Variants in RYR2 observed in about 807,000 individuals in gnomAD.
The protein encoded by RYR2 is ryanodine receptor 2.
RYR2 carries 227 observed loss-of-function variants against 601.1 expected under a neutral mutation model. The observed-to-expected ratio is 0.38, with a 90% CI of 0.34 to 0.42. The LOEUF (loss-of-function observed/expected upper bound fraction) is 0.42, where lower values mean the gene tolerates loss of function less well. RYR2 is among the 10% of genes least tolerant of loss of function. The pLI is 1.00. For missense variants in RYR2, 4,646 were observed against 6,156.5 expected, an observed-to-expected ratio of 0.75 and a Z score of 8.21; for synonymous variants, 2,223 against 2,175.1, an observed-to-expected ratio of 1.02 and a Z score of -0.61.
At chr1:237,719,688 C>T (rs1689553108) in intron 73 of RYR2, among the ~76,000 whole-genome samples, 1 of 152,084 alleles carries the variant, frequency 6.6e-6, no homozygotes, top group Non-Finnish European at 1.5e-5. Flanking sequence ...CTGAGGATTA[C>T]ATTTCCACAT....
chr1:237,104,195 C>A (rs1380514145), intron 1 of RYR2, among the ~76,000 whole-genome samples: 1 of 152,130 alleles, frequency 6.6e-6, no homozygotes, highest in African/African-American at 2.4e-5. Flanking sequence ...ATGGAACGTG[C>A]CTGTCTGTGG....
In RYR2 at chr1:237,707,188, A is replaced by G. The variant is rs751551400; in HGVS notation, c.9820A>G (p.Asn3274Asp). Residue 3274 changes from asparagine (N) to aspartate (D), a missense_variant, in exon 68 of 105, where the codon AAC becomes GAC. Around this residue, in one of 17 missense-constraint regions of RYR2, gnomAD observed 1,497 missense variants for 1,842.6 expected, o/e 0.81. Transcript: ENST00000366574. ...CACAGCCCTGAACTCAGAGCACATGAACACACTTCTAGGGAACATATTGAA... is the reference window on the plus strand; with the variant it reads ...CACAGCCCTGAACTCAGAGCACATGGACACACTTCTAGGGAACATATTGAA... ...CCTALNSEHM[N>D]TLLGNILKII... The G allele has an allele frequency of 6.7e-5, 108 of 1,612,986 alleles. No individual in the cohort carries two copies. Among genetic ancestry groups the G allele is most frequent in the Non-Finnish European group, 1.3e-5 (15 of 1,179,176 alleles).
chr1:237,658,127 T>C (rs1683429538), intron 54 of RYR2, 105 bp downstream of exon 54: 6 of 563,168 alleles, frequency 1.1e-5, no homozygotes, highest in South Asian at 7.5e-5. Context: ...GAGAACTTGA[T>C]CTAAATTAGG....
intron 1 of RYR2, among the ~76,000 whole-genome samples, chr1:237,104,655 C>A (rs1192517963): frequency 1.3e-5 from 2 of 152,208 alleles, no homozygotes; most frequent in African/African-American, 4.8e-5. Flanking sequence ...CCAGCTGTTA[C>A]TGGGTCCTGG....
chr1:237,246,819 TGATGATTTATTTTTG>T (rs1686899595), intron 1 of RYR2, among the ~76,000 whole-genome samples: 1 of 152,344 alleles, frequency 6.6e-6, no homozygotes, highest in African/African-American at 2.4e-5. Context: ...GATTTGTTTC[TGATGATTTATTTTTG>T]GATGATTTGA....
At chr1:237,771,417 A>T (rs1296936473) in intron 85 of RYR2, among the ~76,000 whole-genome samples, 1 of 125,528 alleles carries the variant, frequency 8.0e-6, no homozygotes, top group African/African-American at 5.1e-5. Context: ...TCTCTCAATA[A>T]AAAAAAAAAA....
chr1:237,801,902 G>C lies in RYR2; in HGVS notation c.14137G>C (p.Val4713Leu). 6.2e-7 allele frequency: 1 copy of C among 1,600,054 alleles called. No individual in the cohort carries two copies. Among genetic ancestry groups the C allele is most frequent in the Non-Finnish European group, 8.6e-7 (1 of 1,169,414 alleles). ...VKYQMWKLGV[V>L]FTDNSFLYLA... ...GTATCAGATGTGGAAACTAGGAGTCGTTTTCACTGACAACGTAAGCCTACT... is the reference window on the plus strand; with the variant it reads ...GTATCAGATGTGGAAACTAGGAGTCCTTTTCACTGACAACGTAAGCCTACT... Residue 4713 changes from valine to leucine, a missense_variant, in exon 98 of 105, where the codon GTT becomes CTT. Transcript: ENST00000366574.
intron 81 of RYR2, among the ~76,000 whole-genome samples, chr1:237,756,817 A>G (rs1241805317): frequency 1.3e-5 from 2 of 152,192 alleles, no homozygotes; most frequent in East Asian, 1.9e-4. Context: ...CTGTGTTCCA[A>G]AAAAACTTTA....
At chr1:237,176,644 T>C (rs142935723) in intron 1 of RYR2, among the ~76,000 whole-genome samples, 12 of 152,300 alleles carry the variant, frequency 7.9e-5, no homozygotes, top group African/African-American at 2.6e-4. Flanking sequence ...CTGATTTCTA[T>C]TGACTTTTCT....
intron 1 of RYR2, among the ~76,000 whole-genome samples, chr1:237,182,846 G>A (rs747818500): frequency 5.3e-5 from 8 of 152,166 alleles, no homozygotes; most frequent in South Asian, 2.1e-4. Context: ...GGCATTACAG[G>A]CCAGCATAAG....
chr1:237,405,084 T>G (rs1703728285), intron 10 of RYR2, among the ~76,000 whole-genome samples: 1 of 152,082 alleles, frequency 6.6e-6, no homozygotes, highest in Admixed American at 6.5e-5. Flanking sequence ...TACGGAATGG[T>G]AGAATAAGAA....
chr1:237,363,594 C>T (rs920394408), intron 4 of RYR2, among the ~76,000 whole-genome samples: 2 of 152,022 alleles, frequency 1.3e-5, no homozygotes, highest in African/African-American at 2.4e-5. Context: ...GGAAATATAT[C>T]ATTGTTTTCT....
intron 4 of RYR2, among the ~76,000 whole-genome samples, chr1:237,363,168 A>G (rs937229081): frequency 6.6e-6 from 1 of 152,048 alleles, no homozygotes; most frequent in African/African-American, 2.4e-5. Context: ...GTTTCTTTGA[A>G]TTAAGGCTTA....
intron 1 of RYR2, among the ~76,000 whole-genome samples, chr1:237,195,518 G>T (rs1680459775): frequency 6.6e-6 from 1 of 152,236 alleles, no homozygotes; most frequent in Non-Finnish European, 1.5e-5. Context: ...CTCCCAAAGT[G>T]CTGGGATTAC....
At chr1:237,213,907 T>C (rs1041001141) in intron 1 of RYR2, among the ~76,000 whole-genome samples, 1 of 146,334 alleles carries the variant, frequency 6.8e-6, no homozygotes, top group Non-Finnish European at 1.5e-5. Context: ...ATCTTTTTTT[T>C]TCTTTTTCTT....
intron 14 of RYR2, among the ~76,000 whole-genome samples, chr1:237,450,932 T>G (rs1658011537): frequency 6.6e-6 from 1 of 152,196 alleles, no homozygotes; most frequent in Non-Finnish European, 1.5e-5. Flanking sequence ...TCTCCTTGTT[T>G]CTTTTCTATA....
At chr1:237,279,071 T>A (rs1376990157) in intron 2 of RYR2, among the ~76,000 whole-genome samples, 5 of 152,318 alleles carry the variant, frequency 3.3e-5, no homozygotes, top group African/African-American at 1.2e-4. Flanking sequence ...GTTTTTTTCA[T>A]AGAGCAGAAT....
chr1:237,505,431 A>G (rs1336046930), intron 22 of RYR2, among the ~76,000 whole-genome samples: 3 of 152,230 alleles, frequency 2.0e-5, no homozygotes, highest in Admixed American at 2.0e-4. Flanking sequence ...CCAAAGCTTC[A>G]GTTGCTTAGC....
intron 101 of RYR2, among the ~76,000 whole-genome samples, chr1:237,826,478 G>C (rs994640149): frequency 2.0e-5 from 3 of 151,842 alleles, no homozygotes; most frequent in Non-Finnish European, 4.4e-5. Context: ...TAACACATTG[G>C]GGGGCATCAC....
Sources: gnomAD v4.1 joint callset for allele counts (sites outside exome capture counted in the v4.1 genomes callset) on GRCh38, gnomAD v4.1.1 for gene constraint, gnomAD v4.1.1 regional missense constraint, MANE v1.5 for transcripts, NCBI Gene and HGNC (gene_info 2026-07-23, HGNC 2026-07-21) for gene names.